The following DPYD variants were observed in gnomAD, a reference collection of about 807,000 sequenced individuals.
The protein encoded by DPYD is dihydropyrimidine dehydrogenase, also known as dihydropyrimidine dehydrogenase [NADP(+)].
Under a neutral mutation model 116.2 loss-of-function variants are expected in DPYD, and 109 were observed. The observed-to-expected ratio is 0.94, with a 90% confidence interval of 0.80 to 1.10. The LOEUF (loss-of-function observed/expected upper bound fraction) is 1.10, where lower values mean the gene tolerates loss of function less well. DPYD is among the 50% of genes least tolerant of loss of function. The pLI is 0.00. For synonymous variants in DPYD, 440 were observed against 432.0 expected, an observed-to-expected ratio of 1.02 and a Z score of -0.23; for missense variants, 1,302 against 1,254.5, an observed-to-expected ratio of 1.04 and a Z score of -0.57.
chr1:97,486,641 C>T (rs1365038513), intron 13 of DPYD, among the ~76,000 whole-genome samples: 1 of 152,072 alleles, frequency 6.6e-6, no homozygotes, highest in Non-Finnish European at 1.5e-5. Flanking sequence ...GAAGGTATAT[C>T]ACTGTTAGTG....
intron 7 of DPYD, among the ~76,000 whole-genome samples, chr1:97,684,595 C>G (rs2100931046): frequency 6.7e-6 from 1 of 150,034 alleles, no homozygotes; most frequent in South Asian, 2.1e-4. Flanking sequence ...ACACACACAC[C>G]AATAGGTAGA....
At chr1:97,586,422 C>T (rs1316361471) in intron 10 of DPYD, 2 of 133,820 alleles carry the variant, frequency 1.5e-5, no homozygotes, top group African/African-American at 5.7e-5. Flanking sequence ...AAAACGTTCA[C>T]TTTTAATGAA....
chr1:97,890,951 G>T (rs953196098), intron 1 of DPYD, among the ~76,000 whole-genome samples: 1 of 151,712 alleles, frequency 6.6e-6, no homozygotes, highest in African/African-American at 2.4e-5. Context: ...TGAAATATTG[G>T]GTTAACCTTT....
intron 18 of DPYD, among the ~76,000 whole-genome samples, chr1:97,272,372 C>T (rs1664641117): frequency 1.3e-5 from 2 of 152,040 alleles, no homozygotes; most frequent in South Asian, 4.1e-4. Flanking sequence ...ATCAACCTCT[C>T]CTAAACATGT....
chr1:97,113,695 A>G lies in DPYD; in HGVS notation c.2623-15063T>C, dbSNP rs185980616. On this transcript the variant is annotated intron_variant, in intron 20 of 22. Coordinates refer to ENST00000370192, the MANE Select transcript of DPYD (RefSeq NM_000110.4). ...CAAAACAGTGAATAATTTTACCTTC[A>G]TTTATTACAAATTAAAAGCACAGCT... Among the ~76,000 whole-genome samples, 855 of 152,260 alleles carry G rather than the reference A, an allele frequency of 5.6e-3. 6 individuals are homozygous for G. Among genetic ancestry groups the G allele is most frequent in the African/African-American group, 0.02 (811 of 41,566 alleles).
At chr1:97,292,380 C>A (rs187785958) in intron 18 of DPYD, among the ~76,000 whole-genome samples, 14 of 152,248 alleles carry the variant, frequency 9.2e-5, no homozygotes, top group African/African-American at 3.4e-4. Context: ...TGTCCTTCTT[C>A]ACGTGTTGGC....
intron 20 of DPYD, among the ~76,000 whole-genome samples, chr1:97,180,102 T>C (rs1482776635): frequency 6.6e-6 from 1 of 152,088 alleles, no homozygotes; most frequent in African/African-American, 2.4e-5. Flanking sequence ...TTAATTATGG[T>C]TTGTTTTGTT....
At chr1:97,843,462 CA>C (rs1159708447) in intron 2 of DPYD, among the ~76,000 whole-genome samples, 1 of 152,142 alleles carries the variant, frequency 6.6e-6, no homozygotes, top group Admixed American at 6.5e-5. Context: ...TTGTCTGGCC[CA>C]AAGCCATCAT....
intron 13 of DPYD, among the ~76,000 whole-genome samples, chr1:97,494,751 A>AACACAC (rs10657499): frequency 9.1e-4 from 134 of 146,720 alleles, no homozygotes; most frequent in Middle Eastern, 3.4e-3. Flanking sequence ...CAAAAAAGAA[A>AACACAC]ACACACACAC....
intron 14 of DPYD, among the ~76,000 whole-genome samples, chr1:97,397,772 T>C (rs1459266144): frequency 6.6e-6 from 1 of 152,070 alleles, no homozygotes; most frequent in African/African-American, 2.4e-5. Context: ...CTGAAGGATA[T>C]TTTGGTTACT....
chr1:97,179,621 G>C (rs530531669), intron 20 of DPYD, among the ~76,000 whole-genome samples: 2 of 152,232 alleles, frequency 1.3e-5, no homozygotes, highest in South Asian at 4.1e-4. Flanking sequence ...GGGAGTGAAG[G>C]CTTCAGGGCA....
chr1:97,647,501 T>C (rs1251147005), intron 8 of DPYD, among the ~76,000 whole-genome samples: 1 of 151,882 alleles, frequency 6.6e-6, no homozygotes, highest in African/African-American at 2.4e-5. Flanking sequence ...TTATCCAGCG[T>C]GAGTGTTTTA....
At chr1:97,099,165 C>A (rs1035049855) in intron 20 of DPYD, among the ~76,000 whole-genome samples, 3 of 151,962 alleles carry the variant, frequency 2.0e-5, no homozygotes, top group African/African-American at 7.2e-5. Context: ...AAGATTGTAA[C>A]TAATGTTGAT....
chr1:97,751,460 G>GTCTATATA (rs763260651), intron 3 of DPYD, among the ~76,000 whole-genome samples: 2 of 21,274 alleles, frequency 9.4e-5, no homozygotes, highest in East Asian at 7.1e-3. Context: ...GTGTGTGTGT[G>GTCTATATA]TATATATATA....
At chr1:97,448,139 C>A (rs1676191492) in intron 14 of DPYD, among the ~76,000 whole-genome samples, 1 of 152,038 alleles carries the variant, frequency 6.6e-6, no homozygotes, top group African/African-American at 2.4e-5. Flanking sequence ...ATCACTTGAA[C>A]CTAGAAGCTG....
intron 18 of DPYD, among the ~76,000 whole-genome samples, chr1:97,276,936 G>A (rs11165828): frequency 2.0e-5 from 3 of 152,098 alleles, no homozygotes; most frequent in African/African-American, 7.2e-5. Flanking sequence ...ATTCACCATA[G>A]CAAAGACACG....
intron 16 of DPYD, among the ~76,000 whole-genome samples, chr1:97,362,616 C>T (rs185303718): frequency 6.6e-5 from 10 of 152,098 alleles, no homozygotes; most frequent in East Asian, 1.9e-4. Flanking sequence ...TATAGACCAA[C>T]GGAACAGAAC....
chr1:97,260,082 G>A (rs897529127), intron 18 of DPYD, among the ~76,000 whole-genome samples: 1 of 152,124 alleles, frequency 6.6e-6, no homozygotes, highest in African/African-American at 2.4e-5. Flanking sequence ...AAAAAGCGCT[G>A]TAGGTTATAA....
At chr1:97,720,426 T>A (rs1662857648) in intron 5 of DPYD, 1 of 986,060 alleles carries the variant, frequency 1.0e-6, no homozygotes, top group Non-Finnish European at 1.2e-6. Context: ...TCATACTTCG[T>A]AGTGGTCAGG....
Sources: allele counts gnomAD v4.1 joint callset (sites outside exome capture counted in the v4.1 genomes callset), GRCh38; gene constraint gnomAD v4.1.1; transcripts MANE v1.5; gene names NCBI Gene and HGNC (gene_info 2026-07-23, HGNC 2026-07-21).